FAR1: variants seen among roughly 807,000 people sequenced by gnomAD.
The protein encoded by FAR1 is male sterility domain-containing protein 2.
FAR1 carries 22 observed loss-of-function variants against 61.1 expected under a neutral mutation model. That is an observed-to-expected ratio of 0.36 (90% confidence interval 0.26 to 0.51). The LOEUF is 0.51. Ranked by LOEUF, FAR1 falls within the 20% of genes least tolerant of loss-of-function variation. The probability of loss-of-function intolerance (pLI) is 0.95; values close to 1 mark genes in which losing one functional copy is unlikely to be tolerated. For synonymous variants in FAR1, 206 were observed against 209.7 expected (o/e 0.98, Z 0.15); for missense variants, 359 against 626.9 (o/e 0.57, Z 4.56).
At chr11:13,707,426 ATAATT>A (rs1848444734) in intron 3 of FAR1, among the ~76,000 whole-genome samples, 1 of 152,198 alleles carries the variant, frequency 6.6e-6, no homozygotes, top group African/African-American at 2.4e-5. Flanking sequence ...ATATGTTAAT[ATAATT>A]TAATGTTTCT....
chr11:13,684,512 G>A (rs1848164982), intron 1 of FAR1, among the ~76,000 whole-genome samples: 1 of 152,192 alleles, frequency 6.6e-6, no homozygotes, highest in South Asian at 2.1e-4. Context: ...TGTTTTATCT[G>A]TATTTTAAAG....
intron 10 of FAR1, among the ~76,000 whole-genome samples, chr11:13,722,463 C>CT (rs1284745374): frequency 1.3e-5 from 2 of 151,756 alleles, no homozygotes; most frequent in Non-Finnish European, 2.9e-5. Context: ...CTTCAGTTCT[C>CT]TAATTTTTTT....
At chr11:13,709,929 A>G (rs182002236) in intron 4 of FAR1, among the ~76,000 whole-genome samples, 12 of 152,252 alleles carry the variant, frequency 7.9e-5, no homozygotes, top group Admixed American at 2.6e-4. Context: ...AGGAAAAACC[A>G]TGGACACCAC....
Position 13,690,005 on chromosome 11 carries a change from C to T in FAR1, c.-7-4754C>T, listed in dbSNP as rs1378327752. Among the ~76,000 whole-genome samples, 5 of 151,248 alleles carry T rather than the reference C, an allele frequency of 3.3e-5. No individual in the cohort carries two copies. In the East Asian group the frequency reaches 5.9e-4, roughly 18 times the overall value. On this transcript the variant is annotated intron_variant, in intron 1 of 11. Coordinates refer to ENST00000354817, the MANE Select transcript of FAR1 (RefSeq NM_032228.6). The stretch of plus-strand genomic sequence containing the variant: ...ATTCTCCTGCCTCAGCCTCCCAAGT[C>T]GCTGGGATTAAAGGCGTGTGCCACC...
chr11:13,728,842 T>G lies in FAR1; in HGVS notation c.*68T>G. ...CTAAATGTACAAAATGTAAAATGTA[T>G]AAGTCATCTCACTTTTTGTCAAGAC... is the stretch of plus-strand genomic sequence containing the variant. On this transcript the variant is annotated 3_prime_UTR_variant, in exon 12 of 12. Transcript: ENST00000354817. 7.0e-7 allele frequency: 1 copy of G among 1,431,074 alleles called. No individual in the cohort carries two copies. The highest frequency in any genetic ancestry group is 1.4e-5 in the African/African-American group (1 of 70,704). The allele number at this position is 1,431,074 out of a possible 1,614,324, so 88.6% of individuals were successfully genotyped here. A position where few individuals can be genotyped will look rare whatever the true frequency, so the allele number is the denominator to read the frequency against.
chr11:13,694,515 G>A (rs1848287956), intron 1 of FAR1, among the ~76,000 whole-genome samples: 1 of 152,182 alleles, frequency 6.6e-6, no homozygotes, highest in South Asian at 2.1e-4. Context: ...CTCAAGTCCA[G>A]AGAACGTGAG....
At chr11:13,718,107 T>C (rs573653751) in intron 9 of FAR1, among the ~76,000 whole-genome samples, 57 of 152,310 alleles carry the variant, frequency 3.7e-4, no homozygotes, top group African/African-American at 1.3e-3. Flanking sequence ...ATCCTGCCTT[T>C]TGAACAATAA....
At chr11:13,728,060 C>T (rs960573379) in intron 11 of FAR1, among the ~76,000 whole-genome samples, 5 of 151,800 alleles carry the variant, frequency 3.3e-5, no homozygotes, top group Non-Finnish European at 7.4e-5. Flanking sequence ...CTTACATTGC[C>T]GTCCTATCTT....
At position 13,721,923 on chromosome 11, in the gene FAR1, C is replaced by A; in HGVS notation, c.1257+64C>A. 1.5e-6 allele frequency: 2 copies of A among 1,340,510 alleles called. No homozygotes were observed. Among genetic ancestry groups the A allele is most frequent in the Non-Finnish European group, 2.0e-6 (2 of 979,754 alleles). 83.0% of individuals were successfully genotyped at this position (1,340,510 alleles called of 1,614,324 possible). On this transcript the variant is annotated intron_variant, in intron 10 of 11. Coordinates refer to ENST00000354817, the MANE Select transcript of FAR1 (RefSeq NM_032228.6). The surrounding 1 kb of genome is among the most constrained non-coding windows in gnomAD (Gnocchi z 4.2). ...AGCATACTAATTACAGAACTATTAG[C>A]AACCTGAGAAATATTTTCCACAGCT...
At chr11:13,678,244 C>T (rs1002087824) in intron 1 of FAR1, among the ~76,000 whole-genome samples, 1 of 151,990 alleles carries the variant, frequency 6.6e-6, no homozygotes, top group African/African-American at 2.4e-5. Context: ...TCATAAGTAG[C>T]TTTATGGATT....
intron 1 of FAR1, among the ~76,000 whole-genome samples, chr11:13,693,423 T>C (rs1357429561): frequency 1.3e-5 from 2 of 152,224 alleles, no homozygotes; most frequent in Non-Finnish European, 2.9e-5. Context: ...TTGTGGATGT[T>C]TGGAGCAACC....
intron 7 of FAR1, 82 bp downstream of exon 7, chr11:13,712,128 C>A: frequency 3.1e-6 from 3 of 976,970 alleles, no homozygotes; most frequent in Non-Finnish European, 3.3e-6. Context: ...GTTAATTAAT[C>A]CCTCTATCCA....
chr11:13,696,913 T>TA (rs1848312357), intron 2 of FAR1, among the ~76,000 whole-genome samples: 1 of 152,206 alleles, frequency 6.6e-6, no homozygotes, highest in African/African-American at 2.4e-5. Context: ...GACATTGACT[T>TA]ATAGCAGGGT....
chr11:13,686,524 A>C (rs1037502405), intron 1 of FAR1: 2 of 152,226 alleles, frequency 1.3e-5, no homozygotes, highest in Non-Finnish European at 2.9e-5. Context: ...TTTAAAAAAA[A>C]GTGGTAATTT....
chr11:13,689,981 T>A (rs752209031), intron 1 of FAR1, among the ~76,000 whole-genome samples: 3 of 149,770 alleles, frequency 2.0e-5, no homozygotes, highest in Non-Finnish European at 4.4e-5. Flanking sequence ...GCTCAAGCAA[T>A]TCTCCTGCCT....
At chr11:13,715,807 C>T (rs1848549051) in intron 9 of FAR1, 1 of 151,966 alleles carries the variant, frequency 6.6e-6, no homozygotes. Context: ...ACAGTGGAGT[C>T]GTTGATTGGA....
chr11:13,702,329 C>T (rs920498344), intron 3 of FAR1, among the ~76,000 whole-genome samples: 18 of 151,932 alleles, frequency 1.2e-4, no homozygotes, highest in South Asian at 8.3e-4. Context: ...ATTTTTTCTA[C>T]TATGAACATG....
At chr11:13,728,565 T>G (rs1848689928) in intron 11 of FAR1, 47 bp from the exon 12 acceptor site, 1 of 1,547,378 alleles carries the variant, frequency 6.5e-7, no homozygotes, top group African/African-American at 1.4e-5. Flanking sequence ...TAACAATATT[T>G]TTTTCTAGAA....
At chr11:13,695,418 C>T (rs1361585646) in intron 2 of FAR1, among the ~76,000 whole-genome samples, 7 of 151,368 alleles carry the variant, frequency 4.6e-5, no homozygotes, top group Admixed American at 2.6e-4. Flanking sequence ...ACAGAGGGGC[C>T]GTATAGAATA....
Sources: allele counts gnomAD v4.1 joint callset (sites outside exome capture counted in the v4.1 genomes callset), GRCh38; gene constraint gnomAD v4.1.1; non-coding constraint Gnocchi (gnomAD v3.1); transcripts MANE v1.5; gene names NCBI Gene and HGNC (gene_info 2026-07-23, HGNC 2026-07-21).